WWTR1: variants seen among roughly 807,000 people sequenced by gnomAD.
WWTR1 encodes WW domain-containing transcription regulator protein 1.
Under a neutral mutation model 40.1 loss-of-function variants are expected in WWTR1, and 13 were observed. The ratio of observed to expected loss-of-function variants is 0.32; its 90% CI spans 0.21 to 0.52. The LOEUF (loss-of-function observed/expected upper bound fraction) is 0.52, where lower values mean the gene tolerates loss of function less well. Ranked by LOEUF, WWTR1 falls within the 20% of genes least tolerant of loss-of-function variation. The pLI is 0.97. For missense variants in WWTR1, 436 were observed against 523.1 expected (o/e 0.83, Z 1.63); for synonymous variants, 230 against 210.1 (o/e 1.09, Z -0.82).
intron 2 of WWTR1, among the ~76,000 whole-genome samples, chr3:149,608,307 A>C (rs1033515187): frequency 6.6e-6 from 1 of 151,780 alleles, no homozygotes; most frequent in Non-Finnish European, 1.5e-5. Context: ...ACATGCACAC[A>C]CACAAATGTG....
Position 149,694,756 on chromosome 3 carries a change from T to C in WWTR1, c.-108+8368A>G, listed in dbSNP as rs534136108. 3.9e-5 allele frequency among the ~76,000 whole-genome samples: 6 copies of C among 152,284 alleles called. No homozygotes were observed. The South Asian group carries it at 1.2e-3, about 32-fold the overall frequency. On this transcript the variant is annotated intron_variant, in intron 1 of 7. Transcript: ENST00000465804. ...ACAGCAATTATGCAGAACAGTATGG[T>C]GGTGTCTCAAAAAACTAAAAAACTA...
chr3:149,573,317 G>A (rs1312726055), intron 2 of WWTR1, among the ~76,000 whole-genome samples: 1 of 152,062 alleles, frequency 6.6e-6, no homozygotes, highest in Non-Finnish European at 1.5e-5. Flanking sequence ...CACCTCAGTT[G>A]CTTCTCAGCC....
chr3:149,532,573 GC>G (rs1161270712), intron 4 of WWTR1, among the ~76,000 whole-genome samples: 2 of 152,082 alleles, frequency 1.3e-5, no homozygotes, highest in African/African-American at 4.8e-5. Context: ...AAAAATTCTA[GC>G]CTTTTTTTGA....
At chr3:149,565,077 A>C (rs980355089) in intron 3 of WWTR1, among the ~76,000 whole-genome samples, 4 of 151,908 alleles carry the variant, frequency 2.6e-5, no homozygotes, top group Non-Finnish European at 5.9e-5. Context: ...AATCCCAGAT[A>C]CTCGGGGGCT....
intron 4 of WWTR1, among the ~76,000 whole-genome samples, chr3:149,540,044 G>C (rs1379977868): frequency 6.9e-6 from 1 of 145,270 alleles, no homozygotes; most frequent in African/African-American, 2.5e-5. Context: ...CAGAACACCA[G>C]AACCAACCAC....
chr3:149,599,562 G>A (rs543863167), intron 2 of WWTR1, among the ~76,000 whole-genome samples: 1 of 152,334 alleles, frequency 6.6e-6, no homozygotes, highest in East Asian at 1.9e-4. Flanking sequence ...GAAAAGAGGG[G>A]CCAGTCCTGT....
At chr3:149,592,005 G>T (rs904893284) in intron 2 of WWTR1, among the ~76,000 whole-genome samples, 1 of 152,022 alleles carries the variant, frequency 6.6e-6, no homozygotes, top group African/African-American at 2.4e-5. Flanking sequence ...CTACTTCTCC[G>T]GTAACAAATG....
intron 2 of WWTR1, among the ~76,000 whole-genome samples, chr3:149,584,512 A>G (rs1211726359): frequency 6.6e-6 from 1 of 152,152 alleles, no homozygotes; most frequent in African/African-American, 2.4e-5. Flanking sequence ...TTTCAGAGTG[A>G]GGTTCCCATT....
chr3:149,716,145 G>A (rs1046451224), intron 5 of WWTR1, among the ~76,000 whole-genome samples: 4 of 152,154 alleles, frequency 2.6e-5, no homozygotes, highest in Non-Finnish European at 1.5e-5. Context: ...CACTTTGGGA[G>A]GCCGAGATGG....
At chr3:149,616,515 T>C (rs1346942240) in intron 2 of WWTR1, among the ~76,000 whole-genome samples, 1 of 151,910 alleles carries the variant, frequency 6.6e-6, no homozygotes, top group African/African-American at 2.4e-5. Flanking sequence ...TGATCTCGGC[T>C]CACCGCAACC....
intron 3 of WWTR1, among the ~76,000 whole-genome samples, chr3:149,563,303 T>C (rs1351482038): frequency 6.6e-6 from 1 of 151,988 alleles, no homozygotes; most frequent in Admixed American, 6.6e-5. Context: ...GGTGTGGGGG[T>C]GCTTCTCTGG....
chr3:149,572,813 C>A (rs549846144), intron 3 of WWTR1, 51 bp downstream of exon 3: 2 of 1,588,390 alleles, frequency 1.3e-6, no homozygotes, highest in Non-Finnish European at 1.7e-6. Context: ...GAGACCCCAA[C>A]TCTACAAAAA....
At chr3:149,616,445 T>TC (rs200194434) in intron 2 of WWTR1, among the ~76,000 whole-genome samples, 19 of 139,132 alleles carry the variant, frequency 1.4e-4, no homozygotes, top group South Asian at 1.3e-3. Context: ...TCTCTCTCTC[T>TC]TTTTTTTTTT....
At chr3:149,615,828 A>G (rs1739945914) in intron 2 of WWTR1, among the ~76,000 whole-genome samples, 1 of 152,196 alleles carries the variant, frequency 6.6e-6, no homozygotes, top group Non-Finnish European at 1.5e-5. Flanking sequence ...TCTGCTACAT[A>G]TATTGTTTGG....
At chr3:149,565,577 C>T (rs1177109746) in intron 3 of WWTR1, among the ~76,000 whole-genome samples, 1 of 152,034 alleles carries the variant, frequency 6.6e-6, no homozygotes, top group East Asian at 1.9e-4. Flanking sequence ...TTTTCAGTCT[C>T]ATTTCACATA....
At chr3:149,583,258 G>A (rs558716644) in intron 2 of WWTR1, among the ~76,000 whole-genome samples, 5 of 152,258 alleles carry the variant, frequency 3.3e-5, no homozygotes, top group African/African-American at 9.6e-5. Flanking sequence ...GAGCCACCAC[G>A]CCCAGCCACA....
intron 2 of WWTR1, among the ~76,000 whole-genome samples, chr3:149,585,386 C>T (rs1000301403): frequency 9.2e-5 from 14 of 152,212 alleles, no homozygotes; most frequent in African/African-American, 1.7e-4. Context: ...CTGCCTGCCT[C>T]GGCCTCCCAA....
At chr3:149,667,514 T>C (rs36149708) in intron 2 of WWTR1, among the ~76,000 whole-genome samples, 29,767 of 150,444 alleles carry the variant, frequency 0.2, 3,193 homozygotes, top group Admixed American at 0.3. Context: ...TGCCACTGCA[T>C]TCCAGCCTGG....
intron 1 of WWTR1, among the ~76,000 whole-genome samples, chr3:149,689,735 A>G (rs1204555350): frequency 6.6e-6 from 1 of 152,200 alleles, no homozygotes; most frequent in East Asian, 1.9e-4. Flanking sequence ...AAGAAATGCT[A>G]AAGGGAATTA....
Sources: allele counts gnomAD v4.1 joint callset (sites outside exome capture counted in the v4.1 genomes callset), GRCh38; gene constraint gnomAD v4.1.1; transcripts MANE v1.5; gene names NCBI Gene and HGNC (gene_info 2026-07-23, HGNC 2026-07-21).